Variants in TRAPPC9 observed in about 807,000 individuals in gnomAD.
TRAPPC9 encodes trafficking protein particle complex subunit 9.
Under a neutral mutation model 124.0 loss-of-function variants are expected in TRAPPC9, and 83 were observed. The observed-to-expected ratio is 0.67, with a 90% CI of 0.56 to 0.80. The LOEUF (loss-of-function observed/expected upper bound fraction) is 0.80. Among genes scored for constraint, TRAPPC9 ranks in the 30% least tolerant of loss-of-function variants. TRAPPC9 has a pLI of 0.00. For missense variants in TRAPPC9, 1,302 were observed against 1,508.3 expected, an observed-to-expected ratio of 0.86 and a Z score of 2.27; for synonymous variants, 638 against 617.5, an observed-to-expected ratio of 1.03 and a Z score of -0.49.
intron 3 of TRAPPC9, among the ~76,000 whole-genome samples, chr8:140,436,520 T>A (rs1445188457): frequency 1.3e-5 from 2 of 152,232 alleles, no homozygotes; most frequent in African/African-American, 4.8e-5. Context: ...TATCAGCTTC[T>A]ACATTCAGTC....
In TRAPPC9 at chr8:140,182,074, T is replaced by C. The variant is rs1210878212; in HGVS notation, c.2556+39385A>G. Among the ~76,000 whole-genome samples, 1 of 152,142 alleles carries C rather than the reference T, an allele frequency of 6.6e-6. No homozygotes were observed. Among genetic ancestry groups the C allele is most frequent in the Non-Finnish European group, 1.5e-5 (1 of 68,036 alleles). On this transcript the variant is annotated intron_variant, in intron 17 of 22. Transcript: ENST00000438773. The surrounding 1 kb of genome is among the most constrained non-coding windows in gnomAD (Gnocchi z 4.0). ...GGAGCTGCAGCCTGAACTCCCTTCT[T>C]TACATCAGCATACAAGCCTAGTGCT...
intron 7 of TRAPPC9, among the ~76,000 whole-genome samples, chr8:140,378,038 A>G (rs1487744875): frequency 6.6e-6 from 1 of 152,138 alleles, no homozygotes; most frequent in Non-Finnish European, 1.5e-5. Flanking sequence ...CTAACATCTC[A>G]ATCCAGAGCT....
intron 18 of TRAPPC9, among the ~76,000 whole-genome samples, chr8:140,005,494 G>A (rs781611228): frequency 6.6e-6 from 1 of 152,148 alleles, no homozygotes. Flanking sequence ...GTGAAGTTTT[G>A]GGGGTAAACG....
intron 17 of TRAPPC9, among the ~76,000 whole-genome samples, chr8:140,129,339 G>A (rs1363181964): frequency 6.6e-6 from 1 of 152,168 alleles, no homozygotes; most frequent in Non-Finnish European, 1.5e-5. Context: ...AGCCCCAAGA[G>A]GATGAAGTGG....
chr8:139,980,679 C>G (rs944869143), intron 19 of TRAPPC9, among the ~76,000 whole-genome samples: 1 of 152,250 alleles, frequency 6.6e-6, no homozygotes, highest in African/African-American at 2.4e-5. Context: ...CACGGTGAGG[C>G]CCTGCCCAGG....
Position 140,442,091 on chromosome 8 carries a change from A to T in TRAPPC9, c.585-2894T>A, listed in dbSNP as rs185166656. On this transcript the variant is annotated intron_variant, in intron 2 of 22. Transcript: ENST00000438773. ...TCACATGAACTTCACAAAAGTGTAC[A>T]CCTGCTGTAGCAAAATATAACCCAC... is the stretch of plus-strand genomic sequence containing the variant. Among the ~76,000 whole-genome samples the T allele has an allele frequency of 3.3e-5, 5 of 152,330 alleles. No individual in the cohort carries two copies. In the East Asian group the frequency reaches 9.7e-4, roughly 29 times the overall value.
At chr8:140,249,161 T>C (rs2064062288) in intron 16 of TRAPPC9, among the ~76,000 whole-genome samples, 1 of 143,094 alleles carries the variant, frequency 7.0e-6, no homozygotes, top group Non-Finnish European at 1.5e-5. Flanking sequence ...ACAACTGGTT[T>C]TTCCCTCCCT....
At chr8:139,738,710 G>A (rs933483379) in intron 21 of TRAPPC9, among the ~76,000 whole-genome samples, 1 of 152,292 alleles carries the variant, frequency 6.6e-6, no homozygotes, top group South Asian at 2.1e-4. Flanking sequence ...AGAGCAGCTG[G>A]TGAGCCCAAC....
chr8:140,074,715 C>T (rs558099995), intron 17 of TRAPPC9, among the ~76,000 whole-genome samples: 7 of 152,282 alleles, frequency 4.6e-5, no homozygotes, highest in East Asian at 1.9e-4. Context: ...GACCTCAGCT[C>T]GGTGGAGTCA....
At chr8:140,351,820 G>T (rs1588200126) in intron 9 of TRAPPC9, among the ~76,000 whole-genome samples, 1 of 152,110 alleles carries the variant, frequency 6.6e-6, no homozygotes, top group South Asian at 2.1e-4. Flanking sequence ...TCTGGTTCTA[G>T]CCAATGAGAC....
intron 17 of TRAPPC9, among the ~76,000 whole-genome samples, chr8:140,197,237 T>A (rs1215993254): frequency 1.3e-5 from 2 of 152,200 alleles, no homozygotes; most frequent in Non-Finnish European, 2.9e-5. Context: ...AAATGTAGGA[T>A]AATATTTTGC....
intron 21 of TRAPPC9, among the ~76,000 whole-genome samples, chr8:139,830,585 C>T (rs1480416833): frequency 6.6e-6 from 1 of 151,374 alleles, no homozygotes; most frequent in Non-Finnish European, 1.5e-5. Context: ...CACACATACA[C>T]ATGCACACAC....
intron 7 of TRAPPC9, among the ~76,000 whole-genome samples, chr8:140,387,364 A>G (rs2068782636): frequency 6.6e-6 from 1 of 152,246 alleles, no homozygotes; most frequent in Non-Finnish European, 1.5e-5. Flanking sequence ...AAAAGCCAAA[A>G]TTGACAAATG....
chr8:140,078,803 C>G (rs1011362329), intron 17 of TRAPPC9, among the ~76,000 whole-genome samples: 18 of 152,144 alleles, frequency 1.2e-4, no homozygotes, highest in African/African-American at 3.9e-4. Context: ...CCTCCCTGCC[C>G]CCAGTCACCA....
At chr8:140,131,628 CGAAAA>C (rs2061211042) in intron 17 of TRAPPC9, among the ~76,000 whole-genome samples, 1 of 152,172 alleles carries the variant, frequency 6.6e-6, no homozygotes, top group African/African-American at 2.4e-5. Context: ...ACCCTGCCAC[CGAAAA>C]ATGAAGCACT....
At chr8:139,928,890 T>G (rs929162980) in intron 19 of TRAPPC9, among the ~76,000 whole-genome samples, 3 of 151,814 alleles carry the variant, frequency 2.0e-5, no homozygotes, top group Admixed American at 6.6e-5. Flanking sequence ...AGCCCGTTGA[T>G]TCTCCACAGT....
At chr8:140,001,982 A>C (rs1838428499) in intron 18 of TRAPPC9, among the ~76,000 whole-genome samples, 1 of 152,220 alleles carries the variant, frequency 6.6e-6, no homozygotes, top group Non-Finnish European at 1.5e-5. Context: ...TCTGAAAAAG[A>C]AATCTCTATG....
At chr8:140,421,724 C>T (rs1359937604) in intron 5 of TRAPPC9, among the ~76,000 whole-genome samples, 4 of 152,232 alleles carry the variant, frequency 2.6e-5, no homozygotes, top group East Asian at 1.9e-4. Context: ...TGTGTCAACA[C>T]TGGGGATTTT....
chr8:140,348,893 G>A (rs1351900901), intron 9 of TRAPPC9, among the ~76,000 whole-genome samples: 1 of 152,130 alleles, frequency 6.6e-6, no homozygotes, highest in Non-Finnish European at 1.5e-5. Flanking sequence ...CCCAGCACAC[G>A]GGAATCAGAA....
Sources: allele counts gnomAD v4.1 joint callset (sites outside exome capture counted in the v4.1 genomes callset), GRCh38; gene constraint gnomAD v4.1.1; non-coding constraint Gnocchi (gnomAD v3.1); transcripts MANE v1.5; gene names NCBI Gene and HGNC (gene_info 2026-07-23, HGNC 2026-07-21).